The following SORCS2 variants were observed in gnomAD, a reference collection of about 807,000 sequenced individuals.
SORCS2 encodes the protein VPS10 domain-containing receptor SorCS2.
SORCS2 carries 100 observed loss-of-function variants against 141.6 expected under a neutral mutation model. The observed-to-expected ratio is 0.71, with a 90% CI of 0.60 to 0.83. The LOEUF (loss-of-function observed/expected upper bound fraction) is 0.83. Among genes scored for constraint, SORCS2 ranks in the 40% least tolerant of loss-of-function variants. The probability of loss-of-function intolerance (pLI) is 0.00; values close to 1 mark genes in which losing one functional copy is unlikely to be tolerated. For synonymous variants in SORCS2, 789 were observed against 676.9 expected, an observed-to-expected ratio of 1.17 and a Z score of -2.57; for missense variants, 1,646 against 1,560.2, an observed-to-expected ratio of 1.05 and a Z score of -0.93.
chr4:7,733,491 T>C, intron 24 of SORCS2, 70 bp downstream of exon 24: 1 of 1,281,696 alleles, frequency 7.8e-7, no homozygotes, highest in Non-Finnish European at 1.1e-6. Flanking sequence ...GCCATGTCCC[T>C]GCAGGGCCCT....
intron 5 of SORCS2, 72 bp downstream of exon 5, chr4:7,654,279 G>C (rs760956558): frequency 7.1e-5 from 105 of 1,484,732 alleles, no homozygotes; most frequent in Non-Finnish European, 9.4e-5. Context: ...CAAACCCTTG[G>C]GAGCCCATCC....
chr4:7,333,077 C>T (rs562543717), intron 1 of SORCS2, among the ~76,000 whole-genome samples: 4 of 152,188 alleles, frequency 2.6e-5, no homozygotes, highest in East Asian at 1.9e-4. Flanking sequence ...TGGCTGTGGT[C>T]GTCACAGCAG....
chr4:7,296,606 C>T (rs1210024767), intron 1 of SORCS2, among the ~76,000 whole-genome samples: 1 of 152,224 alleles, frequency 6.6e-6, no homozygotes, highest in Non-Finnish European at 1.5e-5. Flanking sequence ...CAAGCATGGA[C>T]CTTGGGCAGC....
intron 1 of SORCS2, among the ~76,000 whole-genome samples, chr4:7,274,263 G>A (rs1469301077): frequency 6.6e-6 from 1 of 152,238 alleles, no homozygotes; most frequent in Non-Finnish European, 1.5e-5. Flanking sequence ...CGGGTGCACT[G>A]GTTTGGAATT....
At chr4:7,324,801 C>A (rs1053171525) in intron 1 of SORCS2, among the ~76,000 whole-genome samples, 1 of 152,204 alleles carries the variant, frequency 6.6e-6, no homozygotes, top group Non-Finnish European at 1.5e-5. Flanking sequence ...GACACAAAAC[C>A]CATCACGTGT....
chr4:7,450,613 T>C (rs1728374047), intron 2 of SORCS2, among the ~76,000 whole-genome samples: 1 of 152,178 alleles, frequency 6.6e-6, no homozygotes. Context: ...TCCCCAGCTG[T>C]CCAGGGCTCT....
chr4:7,256,160 C>A (rs557430915), intron 1 of SORCS2, among the ~76,000 whole-genome samples: 1 of 152,126 alleles, frequency 6.6e-6, no homozygotes, highest in South Asian at 2.1e-4. Flanking sequence ...GGGCAAGTGT[C>A]CTGAAGAACA....
In SORCS2 at chr4:7,322,737, G is replaced by A. The variant is rs73796634; in HGVS notation, c.481-73551G>A. 7.6e-3 allele frequency among the ~76,000 whole-genome samples: 1,161 copies of A among 152,248 alleles called. 14 individuals are homozygous for A. Among genetic ancestry groups the A allele is most frequent in the African/African-American group, 0.026 (1,098 of 41,514 alleles). On this transcript the variant is annotated intron_variant, in intron 1 of 26. Coordinates refer to ENST00000507866, the MANE Select transcript of SORCS2 (RefSeq NM_020777.3). The stretch of plus-strand genomic sequence containing the variant: ...AGCTTGGCAAAGAGATTTCCTTCTC[G>A]GGAGAGTTTGTGCTTTGGATTCAAA...
In SORCS2 at chr4:7,579,125, TCA is replaced by T. The variant is rs759012428; in HGVS notation, c.648+47500_648+47501del. The stretch of plus-strand genomic sequence containing the variant: ...AACACAAACCCATCAATCCCCAGAC[TCA>T]CACTTGGGGCTGCCTTGGTTCCTAG... On this transcript the variant is annotated intron_variant, in intron 3 of 26. Transcript: ENST00000507866. Among the ~76,000 whole-genome samples the T allele has an allele frequency of 2.6e-5, 4 of 152,198 alleles. No homozygotes were observed. The East Asian group carries it at 5.8e-4, about 22-fold the overall frequency.
At position 7,704,285 on chromosome 4, in the gene SORCS2, G is replaced by A. The variant is rs1560497253; in HGVS notation, c.1868+1G>A. On this transcript the variant is annotated splice_donor_variant, in intron 14 of 26. Coordinates refer to ENST00000507866, the MANE Select transcript of SORCS2 (RefSeq NM_020777.3). LOFTEE classifies it high-confidence loss of function. ...CAGGGGACGAGACGCTGGTCATGAC[G>A]TGAGTGCGGGGACCGGGGAGTGGGC... 5.6e-6 allele frequency: 9 copies of A among 1,607,954 alleles called. No individual in the cohort carries two copies. The highest frequency in any genetic ancestry group is 1.7e-5 in the Admixed American group (1 of 59,278).
chr4:7,574,868 G>T (rs1311589748), intron 3 of SORCS2, among the ~76,000 whole-genome samples: 1 of 152,220 alleles, frequency 6.6e-6, no homozygotes, highest in Non-Finnish European at 1.5e-5. Context: ...AGGCCTCTGT[G>T]TCTGTTAGCC....
At chr4:7,510,561 C>T (rs1283577054) in intron 2 of SORCS2, among the ~76,000 whole-genome samples, 3 of 151,874 alleles carry the variant, frequency 2.0e-5, no homozygotes, top group African/African-American at 4.8e-5. Context: ...CGCGGCATGT[C>T]CAGGAAATGC....
intron 1 of SORCS2, among the ~76,000 whole-genome samples, chr4:7,299,595 T>C (rs1350894827): frequency 1.3e-5 from 2 of 152,246 alleles, no homozygotes; most frequent in Non-Finnish European, 2.9e-5. Flanking sequence ...TTGGTTTCTG[T>C]TGTCCTTTCT....
chr4:7,727,585 C>T (rs972859035), intron 21 of SORCS2, among the ~76,000 whole-genome samples: 13 of 152,212 alleles, frequency 8.5e-5, no homozygotes, highest in African/African-American at 2.9e-4. Context: ...CCCACACAGG[C>T]CCTTCACACC....
intron 3 of SORCS2, among the ~76,000 whole-genome samples, chr4:7,574,273 G>T (rs528004149): frequency 6.6e-6 from 1 of 152,172 alleles, no homozygotes; most frequent in Non-Finnish European, 1.5e-5. Context: ...CTTCTCCCAC[G>T]GGATCACCTT....
intron 1 of SORCS2, among the ~76,000 whole-genome samples, chr4:7,270,852 C>T (rs1230435297): frequency 6.6e-6 from 1 of 152,252 alleles, no homozygotes; most frequent in Non-Finnish European, 1.5e-5. Context: ...GAATGAAGTT[C>T]CTGGTTAGAA....
intron 1 of SORCS2, among the ~76,000 whole-genome samples, chr4:7,373,244 T>A (rs1326701419): frequency 1.3e-5 from 2 of 151,466 alleles, no homozygotes; most frequent in Admixed American, 1.3e-4. Context: ...CTTCAGCACT[T>A]TTTTCAACTT....
At chr4:7,433,560 G>C (rs754543563) in intron 2 of SORCS2, 8 of 1,611,576 alleles carry the variant, frequency 5.0e-6, no homozygotes, top group Non-Finnish European at 6.8e-6. Context: ...GGGTGACGAA[G>C]TGCTTGCACT....
At chr4:7,296,637 C>T (rs984293340) in intron 1 of SORCS2, among the ~76,000 whole-genome samples, 4 of 152,222 alleles carry the variant, frequency 2.6e-5, no homozygotes, top group African/African-American at 4.8e-5. Context: ...GCTCCAAGCC[C>T]CAGTTTTCCT....
Sources: allele counts gnomAD v4.1 joint callset (sites outside exome capture counted in the v4.1 genomes callset), GRCh38; gene constraint gnomAD v4.1.1; transcripts MANE v1.5; gene names NCBI Gene and HGNC (gene_info 2026-07-23, HGNC 2026-07-21).